ATP8A2: variants seen among roughly 807,000 people sequenced by gnomAD.
ATP8A2 encodes the protein phospholipid-transporting ATPase IB.
A neutral mutation model predicts 165.6 loss-of-function variants in ATP8A2; 100 were observed. That is an observed-to-expected ratio of 0.60 (90% confidence interval 0.51 to 0.71). ATP8A2 has a LOEUF of 0.71. ATP8A2 is among the 30% of genes least tolerant of loss of function. The pLI is 0.00. For synonymous variants in ATP8A2, 543 were observed against 548.8 expected (o/e 0.99, Z 0.15); for missense variants, 1,227 against 1,479.5 (o/e 0.83, Z 2.80).
chr13:25,508,093 T>A (rs1267261677), intron 2 of ATP8A2, among the ~76,000 whole-genome samples: 1 of 152,210 alleles, frequency 6.6e-6, no homozygotes, highest in African/African-American at 2.4e-5. Flanking sequence ...AAAAAACTGT[T>A]AATATCTGTT....
At chr13:25,599,809 C>T (rs975462382) in intron 24 of ATP8A2, among the ~76,000 whole-genome samples, 6 of 152,168 alleles carry the variant, frequency 3.9e-5, no homozygotes, top group Non-Finnish European at 7.3e-5. Context: ...TATTTTGGTC[C>T]TACTTGCCAT....
intron 9 of ATP8A2, among the ~76,000 whole-genome samples, chr13:25,542,923 C>T (rs2038528820): frequency 6.6e-6 from 1 of 151,890 alleles, no homozygotes; most frequent in Non-Finnish European, 1.5e-5. Flanking sequence ...ATTTATTTTA[C>T]AAATAATAAT....
At chr13:25,643,784 C>CTATT (rs147325200) in intron 24 of ATP8A2, among the ~76,000 whole-genome samples, 5,174 of 149,514 alleles carry the variant, frequency 0.035, 148 homozygotes, top group East Asian at 0.13. Flanking sequence ...ATTGTTTTCT[C>CTATT]TTCATGAAAA....
intron 25 of ATP8A2, among the ~76,000 whole-genome samples, chr13:25,707,807 T>A (rs935573461): frequency 1.3e-5 from 2 of 152,178 alleles, no homozygotes; most frequent in African/African-American, 4.8e-5. Context: ...ATGGCACAAG[T>A]TCCCCTCCAC....
intron 1 of ATP8A2, among the ~76,000 whole-genome samples, chr13:25,450,623 C>T (rs1242592130): frequency 6.6e-6 from 1 of 151,944 alleles, no homozygotes; most frequent in African/African-American, 2.4e-5. Flanking sequence ...GCTCCGCCTC[C>T]CGGGTTCACG....
chr13:25,928,538 C>G (rs1056103763), intron 33 of ATP8A2, among the ~76,000 whole-genome samples: 6 of 152,100 alleles, frequency 3.9e-5, no homozygotes, highest in African/African-American at 1.4e-4. Flanking sequence ...CGAAAGCCAA[C>G]CTTTAAAGAG....
chr13:25,667,537 C>T (rs558942445), intron 24 of ATP8A2, among the ~76,000 whole-genome samples: 1 of 152,234 alleles, frequency 6.6e-6, no homozygotes, highest in Admixed American at 6.5e-5. Context: ...ACCTTCTTTC[C>T]CACTCTCCAT....
At chr13:25,512,689 C>T (rs1326251456) in intron 2 of ATP8A2, among the ~76,000 whole-genome samples, 3 of 140,112 alleles carry the variant, frequency 2.1e-5, no homozygotes, top group Non-Finnish European at 3.1e-5. Flanking sequence ...GGGGGGCTGA[C>T]CCCCCAACCT....
At chr13:25,543,177 G>A in intron 9 of ATP8A2, 114 bp from the exon 10 acceptor site, 1 of 628,094 alleles carries the variant, frequency 1.6e-6, no homozygotes. Flanking sequence ...CAGTGAAGTA[G>A]TTCAAATTGG....
chr13:26,000,742 C>G (rs1956616613), intron 35 of ATP8A2, among the ~76,000 whole-genome samples: 2 of 150,050 alleles, frequency 1.3e-5, no homozygotes, highest in Non-Finnish European at 3.0e-5. Flanking sequence ...ATGCCAATAC[C>G]CCCCACCATG....
chr13:25,504,119 C>T (rs961737752), intron 2 of ATP8A2, among the ~76,000 whole-genome samples: 1 of 152,216 alleles, frequency 6.6e-6, no homozygotes, highest in East Asian at 1.9e-4. Context: ...CTCTGCCTCA[C>T]TCCAGTGGAA....
At chr13:25,963,420 A>T (rs548312184) in intron 34 of ATP8A2, among the ~76,000 whole-genome samples, 1 of 151,536 alleles carries the variant, frequency 6.6e-6, no homozygotes, top group Admixed American at 6.6e-5. Flanking sequence ...AGAAAAGAAA[A>T]GAAAAAGAAA....
intron 2 of ATP8A2, among the ~76,000 whole-genome samples, chr13:25,529,079 T>A (rs2037946453): frequency 6.6e-6 from 1 of 152,162 alleles, no homozygotes; most frequent in Non-Finnish European, 1.5e-5. Context: ...ATGTGGTGTT[T>A]GGTTTTCTGT....
chr13:25,500,799 TCTC>T (rs2036831319), intron 2 of ATP8A2, among the ~76,000 whole-genome samples: 1 of 152,120 alleles, frequency 6.6e-6, no homozygotes, highest in Non-Finnish European at 1.5e-5. Flanking sequence ...CACCAGCTGT[TCTC>T]CTGGACTCAA....
rs1040910824 is a variant in ATP8A2, at chr13:26,022,390, G to C, written c.*2405G>C. 6.6e-6 allele frequency: 1 copy of C among 152,216 alleles called. No homozygotes were observed. The allele number at this position is 152,216 out of a possible 1,614,324, so 9.4% of individuals were successfully genotyped here. ...AAATCAGAATTATGTATTTAAGTGT[G>C]TGTTTGTGTTTGTTTGGGGTTTTTG... On this transcript the variant is annotated 3_prime_UTR_variant, in exon 37 of 37. Coordinates refer to ENST00000381655, the MANE Select transcript of ATP8A2 (RefSeq NM_016529.6).
chr13:25,649,456 A>G (rs1477367330), intron 24 of ATP8A2, among the ~76,000 whole-genome samples: 1 of 152,150 alleles, frequency 6.6e-6, no homozygotes, highest in Non-Finnish European at 1.5e-5. Flanking sequence ...ACTGAGATGG[A>G]CAAGACCAGA....
chr13:25,897,766 A>T (rs545800009), intron 33 of ATP8A2, among the ~76,000 whole-genome samples: 66 of 151,922 alleles, frequency 4.3e-4, no homozygotes, highest in African/African-American at 1.4e-3. Context: ...ACTTCTCTTC[A>T]CGCTTCATTT....
chr13:25,589,108 A>T (rs984611956), intron 23 of ATP8A2, among the ~76,000 whole-genome samples: 16 of 142,550 alleles, frequency 1.1e-4, no homozygotes, highest in Non-Finnish European at 9.0e-5. Context: ...ATAAGCCTTT[A>T]AAAAAAAAAG....
intron 2 of ATP8A2, among the ~76,000 whole-genome samples, chr13:25,478,703 T>C (rs1032597877): frequency 3.9e-5 from 6 of 152,204 alleles, no homozygotes; most frequent in Admixed American, 3.9e-4. Flanking sequence ...AGTCTACGTA[T>C]AACATATACC....
Sources: gnomAD v4.1 joint callset for allele counts (sites outside exome capture counted in the v4.1 genomes callset) on GRCh38, gnomAD v4.1.1 for gene constraint, MANE v1.5 for transcripts, NCBI Gene and HGNC (gene_info 2026-07-23, HGNC 2026-07-21) for gene names.